TUBA1C: variants seen among roughly 807,000 people sequenced by gnomAD.
The protein encoded by TUBA1C is tubulin alpha-1C chain.
TUBA1C carries 16 observed loss-of-function variants against 34.9 expected under a neutral mutation model. That is an observed-to-expected ratio of 0.46 (90% CI 0.31 to 0.70). The LOEUF (loss-of-function observed/expected upper bound fraction) is 0.70. Ranked by LOEUF, TUBA1C falls within the 30% of genes least tolerant of loss-of-function variation. The probability of loss-of-function intolerance (pLI) is 0.05; values close to 1 mark genes in which losing one functional copy is unlikely to be tolerated. For synonymous variants in TUBA1C, 177 were observed against 215.9 expected, an observed-to-expected ratio of 0.82 and a Z score of 1.58; for missense variants, 329 against 587.3, an observed-to-expected ratio of 0.56 and a Z score of 4.55.
At chr12:49,257,037 C>T (rs1227842092) in intron 1 of TUBA1C, among the ~76,000 whole-genome samples, 4 of 151,112 alleles carry the variant, frequency 2.6e-5, no homozygotes, top group African/African-American at 4.9e-5. Context: ...AAAATTAGCT[C>T]GGCATGGTGG....
At position 49,249,295 on chromosome 12, in the gene TUBA1C, C is replaced by T. The variant is rs572448111; in HGVS notation, c.214-20170C>T. ...ATACAAAATTAGCCGGGTGTGGTGG[C>T]GCATGCCTGTAATCCCAGGTACTCG... On this transcript the variant is annotated intron_variant, in intron 1 of 3. Transcript: ENST00000541364. 1.7e-3 allele frequency among the ~76,000 whole-genome samples: 254 copies of T among 152,032 alleles called. 2 individuals carry two copies. The highest frequency in any genetic ancestry group is 9.1e-4 in the Non-Finnish European group (62 of 67,974).
chr12:49,261,851 C>T (rs574387000), upstream of TUBA1C, among the ~76,000 whole-genome samples: 7 of 152,236 alleles, frequency 4.6e-5, no homozygotes, highest in Admixed American at 6.5e-5. Flanking sequence ...AGGTATGCAA[C>T]GCTTATTTCC....
rs1943001327 is a variant in TUBA1C, at chr12:49,272,265, A to G, written c.388A>G (p.Thr130Ala). ...TTTTATTTTGCAGGCTGACCAGTGCACCGGTCTTCAGGGCTTCTTGGTTTT... is the reference window on the plus strand; with the variant it reads ...TTTTATTTTGCAGGCTGACCAGTGCGCCGGTCTTCAGGGCTTCTTGGTTTT... Reference protein sequence around the residue: ...DRIRKLADQCTGLQGFLVFHS... With the variant: ...DRIRKLADQCAGLQGFLVFHS... The change falls in exon 4 of 4, where the codon ACC becomes GCC. Residue 130 changes from threonine to alanine, a missense_variant. Around this residue, in one of 4 missense-constraint regions of TUBA1C, gnomAD observed 152 missense variants for 240.3 expected, o/e 0.63. Coordinates refer to ENST00000301072, the MANE Select transcript of TUBA1C (RefSeq NM_032704.5). 4 of 1,611,014 alleles carry G rather than the reference A, an allele frequency of 2.5e-6. No individual in the cohort carries two copies. The African/African-American group carries it at 4.0e-5, about 16-fold the overall frequency.
intron 1 of TUBA1C, among the ~76,000 whole-genome samples, chr12:49,267,667 A>C (rs916542527): frequency 6.6e-6 from 1 of 152,174 alleles, no homozygotes; most frequent in African/African-American, 2.4e-5. Flanking sequence ...GCAATGGTAA[A>C]TAGTCATGGG....
chr12:49,265,076 C>T, upstream of TUBA1C: 12 of 1,420,230 alleles, frequency 8.4e-6, no homozygotes, highest in Middle Eastern at 2.0e-4. Flanking sequence ...GGCCGGCCAC[C>T]CTTTCACTAC....
At chr12:49,262,869 G>A (rs952442553), upstream of TUBA1C, among the ~76,000 whole-genome samples, 1 of 151,954 alleles carries the variant, frequency 6.6e-6, no homozygotes, top group South Asian at 2.1e-4. Flanking sequence ...TCCTTACACT[G>A]TAATTTTTAG....
At chr12:49,266,702 A>G (rs1241974773) in intron 1 of TUBA1C, among the ~76,000 whole-genome samples, 2 of 151,680 alleles carry the variant, frequency 1.3e-5, no homozygotes, top group Non-Finnish European at 2.9e-5. Context: ...TACAAAAATT[A>G]TCTGGGCGTC....
Position 49,269,465 on chromosome 12 carries a change from C to A in TUBA1C, c.4C>A (p.Arg2Ser). The A allele has an allele frequency of 6.2e-7, 1 of 1,614,202 alleles. No homozygotes were observed. Among genetic ancestry groups the A allele is most frequent in the Non-Finnish European group, 8.5e-7 (1 of 1,180,058 alleles). Residue 2 changes from arginine (R) to serine (S), a missense_variant and splice_region_variant, in exon 2 of 4, where the codon CGT becomes AGT. Physicochemically the swap from Arg to Ser is moderately radical, Grantham distance 110. Transcript: ENST00000301072. M[R>S]ECISIHVGQA... is the part of the protein sequence containing the mutation. ...ACATTTTCCTTTCTTCCTCCCACAG[C>A]GTGAGTGCATCTCCATCCACGTTGG...
chr12:49,265,973 CAA>C (rs368947972), intron 1 of TUBA1C, among the ~76,000 whole-genome samples: 1 of 118,230 alleles, frequency 8.5e-6, no homozygotes, highest in African/African-American at 3.6e-5. Flanking sequence ...AAAAAAAAAA[CAA>C]AAAAAAACGC....
At chr12:49,257,156 A>AG (rs1418492120) in intron 1 of TUBA1C, among the ~76,000 whole-genome samples, 2 of 151,602 alleles carry the variant, frequency 1.3e-5, no homozygotes, top group African/African-American at 4.8e-5. Flanking sequence ...TCTCAAAAAA[A>AG]AAAAAAAAAA....
At chr12:49,252,297 G>A (rs1453744876) in intron 1 of TUBA1C, among the ~76,000 whole-genome samples, 2 of 152,086 alleles carry the variant, frequency 1.3e-5, no homozygotes, top group African/African-American at 4.8e-5. Context: ...GTAAATTCCT[G>A]CTCTTCAAGT....
chr12:49,235,207 T>C (rs115597077), intron 1 of TUBA1C, among the ~76,000 whole-genome samples: 2,868 of 151,518 alleles, frequency 0.019, 90 homozygotes, highest in African/African-American at 0.066. Flanking sequence ...TAAAAAGGGC[T>C]CCTGACACGG....
chr12:49,270,071 T>C (rs1234875245), intron 3 of TUBA1C, 95 bp downstream of exon 3: 3 of 1,605,534 alleles, frequency 1.9e-6, no homozygotes, highest in African/African-American at 1.3e-5. Flanking sequence ...AAAATGAGAC[T>C]ATTTGCATTG....
chr12:49,266,713 G>A (rs12308571), intron 1 of TUBA1C, among the ~76,000 whole-genome samples: 2,281 of 152,164 alleles, frequency 0.015, 54 homozygotes, highest in African/African-American at 0.052. Flanking sequence ...TCTGGGCGTC[G>A]TGGTGCGTGC....
intron 1 of TUBA1C, among the ~76,000 whole-genome samples, chr12:49,253,620 T>C (rs966227765): frequency 6.6e-6 from 1 of 152,048 alleles, no homozygotes; most frequent in African/African-American, 2.4e-5. Flanking sequence ...CTTGAGCTCT[T>C]GGGCTCAAGC....
Position 49,267,639 on chromosome 12 carries a change from C to CA in TUBA1C, c.4-1821dup, listed in dbSNP as rs1338875503. 3.9e-5 allele frequency among the ~76,000 whole-genome samples: 6 copies of CA among 152,260 alleles called. No homozygotes were observed. In the East Asian group the frequency reaches 1.2e-3, roughly 29 times the overall value. ...TGGGCGACAGAGCGAGACTTTTTCT[C>CA]AAAAAGGTAAACATGATGCAATGGT... On this transcript the variant is annotated intron_variant, in intron 1 of 3. Transcript: ENST00000301072.
chr12:49,248,679 C>A (rs1942700421), intron 1 of TUBA1C, among the ~76,000 whole-genome samples: 1 of 150,876 alleles, frequency 6.6e-6, no homozygotes, highest in South Asian at 2.1e-4. Context: ...CTGGCTAACA[C>A]AGTGAAACTC....
At chr12:49,255,942 T>C (rs1288286206) in intron 1 of TUBA1C, among the ~76,000 whole-genome samples, 4 of 152,082 alleles carry the variant, frequency 2.6e-5, no homozygotes, top group African/African-American at 9.7e-5. Flanking sequence ...TTCCCAGCAT[T>C]TGGGGAGGCT....
chr12:49,241,056 C>G (rs377478911), intron 1 of TUBA1C, among the ~76,000 whole-genome samples: 5 of 152,058 alleles, frequency 3.3e-5, no homozygotes, highest in Admixed American at 3.3e-4. Flanking sequence ...AGTGCACCAC[C>G]ACGGCCAGCA....
Sources: gnomAD v4.1 joint callset for allele counts (sites outside exome capture counted in the v4.1 genomes callset) on GRCh38, gnomAD v4.1.1 for gene constraint, gnomAD v4.1.1 regional missense constraint, MANE v1.5 for transcripts, NCBI Gene and HGNC (gene_info 2026-07-23, HGNC 2026-07-21) for gene names.